PACSIN2: variants seen among roughly 807,000 people sequenced by gnomAD.
The protein encoded by PACSIN2 is protein kinase C and casein kinase substrate in neurons protein 2.
In PACSIN2, 25 loss-of-function variants were observed where a neutral mutation model predicts 63.8. The observed-to-expected ratio is 0.39, with a 90% CI of 0.29 to 0.55. The LOEUF is 0.55. Among genes scored for constraint, PACSIN2 ranks in the 20% least tolerant of loss-of-function variants. PACSIN2 has a pLI of 0.62. For missense variants in PACSIN2, 518 were observed against 646.9 expected (o/e 0.80, Z 2.16); for synonymous variants, 255 against 256.2 (o/e 1.00, Z 0.05).
intron 1 of PACSIN2, among the ~76,000 whole-genome samples, chr22:42,941,431 A>AATAT (rs1249356212): frequency 6.6e-6 from 1 of 152,224 alleles, no homozygotes; most frequent in Non-Finnish European, 1.5e-5. Context: ...GCTGGGTCAT[A>AATAT]ATGAGAAACT....
intron 1 of PACSIN2, among the ~76,000 whole-genome samples, chr22:42,927,949 C>T (rs1345613824): frequency 6.6e-6 from 1 of 152,168 alleles, no homozygotes; most frequent in Non-Finnish European, 1.5e-5. Flanking sequence ...GAGCCGAGCC[C>T]TCATGTCCAG....
rs1364861960 is a variant in PACSIN2, at chr22:42,871,248, G to C, written c.*109C>G. 58 of 722,864 alleles carry C rather than the reference G, an allele frequency of 8.0e-5. 1 individual carries two copies. The highest frequency in any genetic ancestry group is 8.0e-4 in the South Asian group (52 of 65,098). 44.8% of individuals were successfully genotyped at this position (722,864 alleles called of 1,614,324 possible). A position where few individuals can be genotyped will look rare whatever the true frequency, so the allele number is the denominator to read the frequency against. On this transcript the variant is annotated 3_prime_UTR_variant, in exon 11 of 11. Coordinates refer to ENST00000263246, the MANE Select transcript of PACSIN2 (RefSeq NM_001184970.3). The surrounding 1 kb of genome is among the most constrained non-coding windows in gnomAD (Gnocchi z 5.4). ...CCTTCCAGGAACACCATGAAGCCAA[G>C]AGCAATGGAACCATCATCTCTTGCA...
intron 2 of PACSIN2, among the ~76,000 whole-genome samples, chr22:42,907,619 G>A (rs937881515): frequency 3.3e-5 from 5 of 152,244 alleles, no homozygotes; most frequent in Non-Finnish European, 7.3e-5. Context: ...GCGTGGAGGC[G>A]GCTGGGCAGC....
chr22:42,887,541 G>A (rs1269126305), intron 5 of PACSIN2, among the ~76,000 whole-genome samples: 11 of 152,026 alleles, frequency 7.2e-5, no homozygotes, highest in African/African-American at 1.5e-4. Context: ...ACCTCATTCC[G>A]TCTCTCTCTG....
chr22:42,932,751 T>TG (rs1932807566), intron 1 of PACSIN2, among the ~76,000 whole-genome samples: 4 of 136,796 alleles, frequency 2.9e-5, no homozygotes, highest in Admixed American at 2.2e-4. Flanking sequence ...AAGTCAATTC[T>TG]AAAAAAAAAA....
chr22:42,949,873 A>G (rs1420707093), intron 1 of PACSIN2, among the ~76,000 whole-genome samples: 1 of 152,264 alleles, frequency 6.6e-6, no homozygotes, highest in Non-Finnish European at 1.5e-5. Context: ...AATTGATTTT[A>G]CAAATTATTT....
intron 1 of PACSIN2, among the ~76,000 whole-genome samples, chr22:43,006,498 G>A (rs1011269797): frequency 2.0e-5 from 3 of 152,154 alleles, no homozygotes; most frequent in African/African-American, 7.2e-5. Context: ...TTAACCTCAA[G>A]GATCTGTAAG....
At chr22:42,925,668 T>C (rs1932491016) in intron 1 of PACSIN2, among the ~76,000 whole-genome samples, 1 of 152,134 alleles carries the variant, frequency 6.6e-6, no homozygotes, top group South Asian at 2.1e-4. Context: ...GATTCAAAGA[T>C]GGAAAATAAT....
chr22:42,971,839 G>A (rs1298644267), intron 1 of PACSIN2, among the ~76,000 whole-genome samples: 2 of 31,728 alleles, frequency 6.3e-5, no homozygotes, highest in African/African-American at 3.1e-4. Flanking sequence ...CCCCGTCCGG[G>A]AGGGAGGTGG....
rs369051515 is a variant in PACSIN2 at position 42,917,056 on chromosome 22, C to T, written c.-77-4899G>A. Reference sequence around the variant, plus strand: ...AAGCCAGTCATACCCACCCCTATGGCGACTCCTCATGTGCCAGACACTGCG... The same window carrying T: ...AAGCCAGTCATACCCACCCCTATGGTGACTCCTCATGTGCCAGACACTGCG... On this transcript the variant is annotated intron_variant, in intron 1 of 10. Coordinates refer to ENST00000263246, the MANE Select transcript of PACSIN2 (RefSeq NM_001184970.3). Among the ~76,000 whole-genome samples, 9 of 152,278 alleles carry T rather than the reference C, an allele frequency of 5.9e-5. No individual in the cohort carries two copies. The South Asian group carries it at 1.2e-3, about 21-fold the overall frequency.
At chr22:42,970,658 A>AG (rs1921188248) in intron 1 of PACSIN2, among the ~76,000 whole-genome samples, 1 of 152,262 alleles carries the variant, frequency 6.6e-6, no homozygotes, top group Admixed American at 6.5e-5. Context: ...AAAAGGAGTC[A>AG]GGGACAATGT....
chr22:42,968,597 TTGGGGTGTGTCCA>T (rs1921015854), intron 1 of PACSIN2, among the ~76,000 whole-genome samples: 1 of 152,196 alleles, frequency 6.6e-6, no homozygotes, highest in African/African-American at 2.4e-5. Context: ...AAGCCTGATT[TTGGGGTGTGTCCA>T]TGGGGCTGTT....
At chr22:42,932,029 T>C (rs1932788318) in intron 1 of PACSIN2, among the ~76,000 whole-genome samples, 1 of 152,114 alleles carries the variant, frequency 6.6e-6, no homozygotes, top group South Asian at 2.1e-4. Context: ...TCACTTCCCT[T>C]CTCTAAACCA....
intron 1 of PACSIN2, among the ~76,000 whole-genome samples, chr22:42,982,875 A>AAAAAAC: frequency 7.7e-6 from 1 of 129,332 alleles, no homozygotes; most frequent in Non-Finnish European, 1.6e-5. Flanking sequence ...TCAATAAAAA[A>AAAAAAC]AAAAAAAAAA....
rs1931067815 is a variant in PACSIN2 at position 42,906,291 on chromosome 22, C to T, written c.60+5730G>A. On this transcript the variant is annotated intron_variant, in intron 2 of 10. Transcript: ENST00000263246. ...CACATCATGAGAAAAACCTCCATTACTGGGTAGAGATTGGGCAGCAAAGGC... is the reference window on the plus strand; with the variant it reads ...CACATCATGAGAAAAACCTCCATTATTGGGTAGAGATTGGGCAGCAAAGGC... Among the ~76,000 whole-genome samples the T allele has an allele frequency of 2.6e-5, 4 of 152,258 alleles. No individual in the cohort carries two copies. In the South Asian group the frequency reaches 8.3e-4, roughly 31 times the overall value.
Position 42,876,926 on chromosome 22 carries a change from G to A in PACSIN2, c.1113C>T (p.Gly371=). Residue 371 remains glycine (G), a synonymous_variant, in exon 9 of 11, where the codon GGC becomes GGT. Coordinates refer to ENST00000263246, the MANE Select transcript of PACSIN2 (RefSeq NM_001184970.3). ...TGTCGTCCTTCTCACTGACGGTGCT[G>A]CCCGTGTCGTCCTCATCCTCGAAGG... ...YNPFEDEDDT[G]STVSEKDDTK... The A allele has an allele frequency of 6.2e-7, 1 of 1,614,188 alleles. No individual in the cohort carries two copies. Among genetic ancestry groups the A allele is most frequent in the Non-Finnish European group, 8.5e-7 (1 of 1,180,026 alleles).
At chr22:42,874,342 G>C (rs889178160) in intron 10 of PACSIN2, among the ~76,000 whole-genome samples, 1 of 133,952 alleles carries the variant, frequency 7.5e-6, no homozygotes, top group Non-Finnish European at 1.6e-5. Context: ...AAAAAAAAAA[G>C]ATTATCATTG....
At chr22:42,888,566 T>C in intron 5 of PACSIN2, 77 bp downstream of exon 5, 1 of 1,435,290 alleles carries the variant, frequency 7.0e-7, no homozygotes, top group Non-Finnish European at 9.8e-7. Context: ...CCCAAGCAGT[T>C]ACAGAAGGCT....
In PACSIN2 at chr22:42,891,181, C is replaced by A. The variant is rs199785617; in HGVS notation, c.219G>T (p.Gly73=). The change falls in exon 4 of 11, where the codon GGG becomes GGT. Residue 73 remains glycine (G), a splice_region_variant and synonymous_variant. Transcript: ENST00000263246. ...CCTTCTCCACGGTCCCGTACTGGGG[C>A]CCTGTGCAGGGGAGAGAAGCTGCGG... ...ARRWRQLVEK[G]PQYGTVEKAW... The A allele has an allele frequency of 3.5e-5, 57 of 1,610,936 alleles. No homozygotes were observed. In the Middle Eastern group the frequency reaches 1.0e-3, roughly 29 times the overall value.
Sources: allele counts gnomAD v4.1 joint callset (sites outside exome capture counted in the v4.1 genomes callset), GRCh38; gene constraint gnomAD v4.1.1; non-coding constraint Gnocchi (gnomAD v3.1); transcripts MANE v1.5; gene names NCBI Gene and HGNC (gene_info 2026-07-23, HGNC 2026-07-21).